The following ALKBH8 variants were observed in gnomAD, a reference collection of about 807,000 sequenced individuals.
ALKBH8 encodes the protein tRNA (carboxymethyluridine(34)-5-O)-methyltransferase ALKBH8.
ALKBH8 carries 36 observed loss-of-function variants against 59.8 expected under a neutral mutation model. The ratio of observed to expected loss-of-function variants is 0.60; its 90% CI spans 0.46 to 0.79. ALKBH8 has a LOEUF of 0.79. ALKBH8 is among the 30% of genes least tolerant of loss of function. The pLI is 0.00. For missense variants in ALKBH8, 768 were observed against 801.0 expected, an observed-to-expected ratio of 0.96 and a Z score of 0.50; for synonymous variants, 276 against 273.6, an observed-to-expected ratio of 1.01 and a Z score of -0.09.
At chr11:107,560,978 C>T in intron 1 of ALKBH8, 79 bp from the exon 2 acceptor site, 1 of 1,259,562 alleles carries the variant, frequency 7.9e-7, no homozygotes, top group Non-Finnish European at 1.1e-6. Flanking sequence ...TTCATACATT[C>T]TATAGTTTAT....
Position 107,504,123 on chromosome 11 carries a change from T to C in ALKBH8, c.*535A>G, listed in dbSNP as rs1862278895. The C allele has an allele frequency of 2.3e-5, 4 of 177,308 alleles. No individual in the cohort carries two copies. The allele number at this position is 177,308 out of a possible 1,614,324, so 11.0% of individuals were successfully genotyped here. A position where few individuals can be genotyped will look rare whatever the true frequency, so the allele number is the denominator to read the frequency against. On this transcript the variant is annotated 3_prime_UTR_variant, in exon 12 of 12. Transcript: ENST00000428149. The stretch of plus-strand genomic sequence containing the variant: ...GTTTTTGAATGAAACTCCTACTAAG[T>C]TCTGGGTATTATCTGATTGACTAAA...
At chr11:107,548,171 C>A (rs1424169889) in intron 7 of ALKBH8, among the ~76,000 whole-genome samples, 1 of 152,218 alleles carries the variant, frequency 6.6e-6, no homozygotes, top group South Asian at 2.1e-4. Context: ...ATTTTCAGAG[C>A]CAGCTGGTTT....
intron 11 of ALKBH8, among the ~76,000 whole-genome samples, chr11:107,507,379 T>C (rs746578499): frequency 6.6e-6 from 1 of 152,096 alleles, no homozygotes; most frequent in Non-Finnish European, 1.5e-5. Context: ...GACTGATACA[T>C]AGAGAAGTGA....
At chr11:107,511,946 G>A (rs1037443072) in intron 10 of ALKBH8, among the ~76,000 whole-genome samples, 5 of 152,020 alleles carry the variant, frequency 3.3e-5, no homozygotes, top group Non-Finnish European at 2.9e-5. Flanking sequence ...ATAAAGTGCT[G>A]AATTCAAAAT....
intron 6 of ALKBH8, among the ~76,000 whole-genome samples, chr11:107,551,228 G>A (rs929480927): frequency 6.6e-6 from 1 of 152,114 alleles, no homozygotes; most frequent in African/African-American, 2.4e-5. Context: ...TAAAGGAAAC[G>A]TTGAAAGGGA....
At chr11:107,512,362 C>T (rs1252740107) in intron 10 of ALKBH8, among the ~76,000 whole-genome samples, 2 of 152,006 alleles carry the variant, frequency 1.3e-5, no homozygotes, top group African/African-American at 2.4e-5. Context: ...TACCTAAGCT[C>T]GAGTACAGTG....
chr11:107,532,299 C>G lies in ALKBH8; in HGVS notation c.878+1G>C. 3.7e-6 allele frequency: 6 copies of G among 1,610,854 alleles called. No individual in the cohort carries two copies. The highest frequency in any genetic ancestry group is 5.1e-6 in the Non-Finnish European group (6 of 1,177,870). Reference sequence around the variant, plus strand: ...GAATCCTGTCATATTTCAATACATACCCATGGGTCCAAAGGTATCTAGATT... The same window carrying G: ...GAATCCTGTCATATTTCAATACATAGCCATGGGTCCAAAGGTATCTAGATT... On this transcript the variant is annotated splice_donor_variant, in intron 8 of 11. Transcript: ENST00000428149. LOFTEE classifies it high-confidence loss of function.
At chr11:107,508,434 A>G (rs1862485195) in intron 11 of ALKBH8, among the ~76,000 whole-genome samples, 1 of 152,106 alleles carries the variant, frequency 6.6e-6, no homozygotes, top group African/African-American at 2.4e-5. Context: ...TGTCCTTCCA[A>G]AGCACTGGGA....
rs923953651 is a variant in ALKBH8 at position 107,504,272 on chromosome 11, C to A, written c.*386G>T. 2.3e-5 allele frequency: 11 copies of A among 471,058 alleles called. No individual in the cohort carries two copies. Among genetic ancestry groups the A allele is most frequent in the Admixed American group, 7.8e-5 (2 of 25,594 alleles). 29.2% of individuals were successfully genotyped at this position (471,058 alleles called of 1,614,324 possible). A position where few individuals can be genotyped will look rare whatever the true frequency, so the allele number is the denominator to read the frequency against. ...AAAACTTCAGACAATTTTCTATTGA[C>A]CAGGACTATTTTCTGTATTAACATA... On this transcript the variant is annotated 3_prime_UTR_variant, in exon 12 of 12. Transcript: ENST00000428149.
chr11:107,512,309 TTTTG>T (rs10676289), intron 10 of ALKBH8, among the ~76,000 whole-genome samples: 1 of 138,776 alleles, frequency 7.2e-6, no homozygotes, highest in Non-Finnish European at 1.6e-5. Flanking sequence ...AAGGGTTTTT[TTTTG>T]TTTGTTTGTT....
intron 8 of ALKBH8, among the ~76,000 whole-genome samples, chr11:107,527,618 A>AT (rs1380685061): frequency 6.6e-6 from 1 of 152,002 alleles, no homozygotes; most frequent in Non-Finnish European, 1.5e-5. Context: ...TCTTGATGCT[A>AT]TTTTAAATAG....
Position 107,522,371 on chromosome 11 carries a change from T to C in ALKBH8, c.1215A>G (p.Pro405=). ...PHIVEFLKAL[P]SGSIVADIGC... is the part of the protein sequence containing the mutation. ...CAATATCAGCCACTATTGAACCACT[T>C]GGCAAAGCCTTCAAAAACTCCACAA... Residue 405 remains proline, a synonymous_variant, in exon 10 of 12, where the codon CCA becomes CCG. Transcript: ENST00000428149. The C allele has an allele frequency of 3.9e-6, 6 of 1,551,710 alleles. No homozygotes were observed. Among genetic ancestry groups the C allele is most frequent in the Non-Finnish European group, 5.2e-6 (6 of 1,146,982 alleles).
intron 8 of ALKBH8, 53 bp downstream of exon 8, chr11:107,532,244 CAGA>C: frequency 6.8e-7 from 1 of 1,471,310 alleles, no homozygotes; most frequent in Non-Finnish European, 9.3e-7. Context: ...GGCTCAAACA[CAGA>C]AGAATGAGAA....
chr11:107,550,379 A>T (rs1187761356), intron 6 of ALKBH8, among the ~76,000 whole-genome samples: 1 of 152,254 alleles, frequency 6.6e-6, no homozygotes, highest in Non-Finnish European at 1.5e-5. Context: ...TAGGTAAGAA[A>T]GGCAAAGAAG....
At chr11:107,548,552 C>T (rs1342977753) in intron 7 of ALKBH8, among the ~76,000 whole-genome samples, 10 of 151,928 alleles carry the variant, frequency 6.6e-5, no homozygotes, top group Non-Finnish European at 1.3e-4. Context: ...TTTTCCTCCC[C>T]GATCTCATTA....
rs1445553380 is a variant in ALKBH8 at position 107,510,884 on chromosome 11, T to TA, written c.1437+2dup. The TA allele has an allele frequency of 1.3e-6, 2 of 1,551,004 alleles. No individual in the cohort carries two copies. Among genetic ancestry groups the TA allele is most frequent in the African/African-American group, 1.4e-5 (1 of 73,006 alleles). ...TCTTAAGAGAAAGAAAGACCATACT[T>TA]ACTGCTGTTGCAAAATGATGAATAA... is the stretch of plus-strand genomic sequence containing the variant. On this transcript the variant is annotated splice_region_variant and intron_variant, in intron 11 of 11. Transcript: ENST00000428149.
chr11:107,509,085 T>C (rs1862515233), intron 11 of ALKBH8, among the ~76,000 whole-genome samples: 1 of 152,208 alleles, frequency 6.6e-6, no homozygotes, highest in Admixed American at 6.5e-5. Context: ...GGAACCACTG[T>C]ACTGTTTTCC....
intron 10 of ALKBH8, among the ~76,000 whole-genome samples, chr11:107,520,089 T>C (rs1367719291): frequency 6.6e-6 from 1 of 152,138 alleles, no homozygotes; most frequent in Non-Finnish European, 1.5e-5. Context: ...CATTTTGAGG[T>C]TGTCACATTC....
intron 7 of ALKBH8, among the ~76,000 whole-genome samples, chr11:107,549,191 C>T (rs1298777365): frequency 2.6e-5 from 4 of 152,084 alleles, no homozygotes; most frequent in African/African-American, 4.8e-5. Flanking sequence ...TTGTAGGTTG[C>T]GTGGATCACT....
Sources: gnomAD v4.1 joint callset for allele counts (sites outside exome capture counted in the v4.1 genomes callset) on GRCh38, gnomAD v4.1.1 for gene constraint, MANE v1.5 for transcripts, NCBI Gene and HGNC (gene_info 2026-07-23, HGNC 2026-07-21) for gene names.